The following DPYSL3 variants were observed in gnomAD, a reference collection of about 807,000 sequenced individuals.
DPYSL3 encodes the protein dihydropyrimidinase-related protein 3.
DPYSL3 carries 16 observed loss-of-function variants against 66.1 expected under a neutral mutation model. The observed-to-expected ratio is 0.24, with a 90% confidence interval of 0.16 to 0.37. DPYSL3 has a LOEUF of 0.37. Among genes scored for constraint, DPYSL3 ranks in the 10% least tolerant of loss-of-function variants. The pLI is 1.00. For missense variants in DPYSL3, 738 were observed against 916.2 expected (o/e 0.81, Z 2.51); for synonymous variants, 338 against 345.1 (o/e 0.98, Z 0.23).
chr5:147,439,195 C>G lies in DPYSL3; in HGVS notation c.382-14232G>C, dbSNP rs78541068. Among the ~76,000 whole-genome samples, 1,313 of 152,134 alleles carry G rather than the reference C, an allele frequency of 8.6e-3. 23 individuals carry two copies. Among genetic ancestry groups the G allele is most frequent in the African/African-American group, 0.03 (1,240 of 41,510 alleles). ...TAAGGCACTGCAGTGGCTGAAAGTG[C>G]AAAGAATAAGTAAGTTACTAAATAA... is the stretch of plus-strand genomic sequence containing the variant. On this transcript the variant is annotated intron_variant, in intron 1 of 13. Coordinates refer to ENST00000343218, the MANE Select transcript of DPYSL3 (RefSeq NM_001197294.2).
chr5:147,457,265 CAT>C (rs1481550154), intron 1 of DPYSL3, among the ~76,000 whole-genome samples: 1 of 152,142 alleles, frequency 6.6e-6, no homozygotes, highest in African/African-American at 2.4e-5. Context: ...CTTTTTACCA[CAT>C]GACATATTAA....
chr5:147,436,673 T>C, intron 1 of DPYSL3, among the ~76,000 whole-genome samples: 1 of 152,168 alleles, frequency 6.6e-6, no homozygotes, highest in East Asian at 1.9e-4. Context: ...AGTAAAAGAA[T>C]GTGGTAATTG....
At chr5:147,426,583 CA>C (rs369978027) in intron 1 of DPYSL3, among the ~76,000 whole-genome samples, 269 of 152,206 alleles carry the variant, frequency 1.8e-3, no homozygotes, top group Middle Eastern at 0.017. Flanking sequence ...GGGTCAAGGG[CA>C]GGGAGACATC....
At chr5:147,423,108 G>C (rs902119873) in intron 2 of DPYSL3, among the ~76,000 whole-genome samples, 1 of 152,196 alleles carries the variant, frequency 6.6e-6, no homozygotes, top group Non-Finnish European at 1.5e-5. Context: ...CCAAATGAGA[G>C]AGCTTGCTAC....
intron 1 of DPYSL3, among the ~76,000 whole-genome samples, chr5:147,501,019 C>T (rs772855968): frequency 1.2e-4 from 19 of 152,108 alleles, no homozygotes; most frequent in Non-Finnish European, 2.4e-4. Flanking sequence ...TATGTGCCCA[C>T]GAATGTTTAT....
At chr5:147,441,026 T>C (rs1026971663) in intron 1 of DPYSL3, among the ~76,000 whole-genome samples, 2 of 152,226 alleles carry the variant, frequency 1.3e-5, no homozygotes, top group Admixed American at 1.3e-4. Flanking sequence ...TGAAATGCCA[T>C]ATACACAATT....
intron 1 of DPYSL3, among the ~76,000 whole-genome samples, chr5:147,461,293 C>T (rs1003572151): frequency 2.0e-5 from 3 of 152,188 alleles, no homozygotes; most frequent in Non-Finnish European, 4.4e-5. Context: ...TCTGCAATGG[C>T]ATACCTAGTC....
chr5:147,493,151 C>A (rs553532053), intron 1 of DPYSL3, among the ~76,000 whole-genome samples: 10 of 152,294 alleles, frequency 6.6e-5, no homozygotes, highest in African/African-American at 1.9e-4. Context: ...GGCATAACAA[C>A]CCTCAATGTG....
At chr5:147,487,668 G>A (rs993550099) in intron 1 of DPYSL3, among the ~76,000 whole-genome samples, 2 of 152,142 alleles carry the variant, frequency 1.3e-5, no homozygotes, top group African/African-American at 4.8e-5. Context: ...TTACAGTATA[G>A]AGTTGAATAA....
chr5:147,432,745 A>T (rs1488611341), intron 1 of DPYSL3, among the ~76,000 whole-genome samples: 2 of 152,200 alleles, frequency 1.3e-5, no homozygotes, highest in Non-Finnish European at 2.9e-5. Context: ...AGCCTGCAAT[A>T]AACTGTGCTG....
intron 1 of DPYSL3, among the ~76,000 whole-genome samples, chr5:147,502,740 C>G (rs955715875): frequency 6.6e-6 from 1 of 152,056 alleles, no homozygotes; most frequent in Non-Finnish European, 1.5e-5. Flanking sequence ...CCATGCCCAG[C>G]TAATTTTTTG....
At position 147,509,687 on chromosome 5, in the gene DPYSL3, C is replaced by T. The variant is rs1212232257; in HGVS notation, c.172G>A (p.Gly58Arg). Reference protein sequence around the residue: ...KTLDFDALSVGQRGAKTPRSG... With the variant: ...KTLDFDALSVRQRGAKTPRSG... ...CGAGGAGTCTTCGCGCCCCGCTGCC[C>T]CACGCTGAGGGCATCGAAATCCAGC... Residue 58 changes from glycine (G) to arginine (R), a missense_variant, in exon 1 of 14, where the codon GGG (glycine) becomes AGG (arginine). Transcript: ENST00000343218. This position sits in a 1 kb window ranked among gnomAD's most constrained non-coding sequence, Gnocchi z 5.3. 1.3e-6 allele frequency: 2 copies of T among 1,535,944 alleles called. No individual in the cohort carries two copies. Among genetic ancestry groups the T allele is most frequent in the Non-Finnish European group, 1.7e-6 (2 of 1,146,772 alleles).
chr5:147,436,654 T>TTA (rs1752419288), intron 1 of DPYSL3, among the ~76,000 whole-genome samples: 1 of 152,106 alleles, frequency 6.6e-6, no homozygotes, highest in African/African-American at 2.4e-5. Flanking sequence ...ATAAAGAAAA[T>TTA]TATAAAAAAG....
At chr5:147,453,710 GCCGCCTCCGC>G (rs983175559) in intron 1 of DPYSL3, 38 of 1,327,834 alleles carry the variant, frequency 2.9e-5, no homozygotes, top group Admixed American at 7.1e-5. Flanking sequence ...TGGCCGCGCC[GCCGCCTCCGC>G]CCGCCTCCGC....
chr5:147,493,889 G>T (rs188300321), intron 1 of DPYSL3, among the ~76,000 whole-genome samples: 2 of 152,222 alleles, frequency 1.3e-5, no homozygotes, highest in Admixed American at 6.5e-5. Context: ...CCCCAAATAC[G>T]TGGATATTAA....
chr5:147,430,749 A>T (rs113652235), intron 1 of DPYSL3, among the ~76,000 whole-genome samples: 1 of 152,204 alleles, frequency 6.6e-6, no homozygotes, highest in African/African-American at 2.4e-5. Context: ...TCTTCAACTT[A>T]GAGAACATAA....
intron 1 of DPYSL3, among the ~76,000 whole-genome samples, chr5:147,505,956 T>G (rs1428905385): frequency 1.3e-5 from 2 of 152,190 alleles, no homozygotes; most frequent in African/African-American, 4.8e-5. Flanking sequence ...AAAATCAGAT[T>G]GTGAATTCTG....
At chr5:147,430,266 C>A (rs139669519) in intron 1 of DPYSL3, among the ~76,000 whole-genome samples, 1 of 151,722 alleles carries the variant, frequency 6.6e-6, no homozygotes, top group East Asian at 1.9e-4. Flanking sequence ...GAGGCCGAGG[C>A]GGGTGGGTCA....
intron 2 of DPYSL3, among the ~76,000 whole-genome samples, chr5:147,420,000 ACCAAG>A (rs1752047674): frequency 6.6e-6 from 1 of 152,144 alleles, no homozygotes; most frequent in Non-Finnish European, 1.5e-5. Context: ...CTAGTTTAAT[ACCAAG>A]CCTGAAATAG....
Sources: allele counts gnomAD v4.1 joint callset (sites outside exome capture counted in the v4.1 genomes callset), GRCh38; gene constraint gnomAD v4.1.1; non-coding constraint Gnocchi (gnomAD v3.1); transcripts MANE v1.5; gene names NCBI Gene and HGNC (gene_info 2026-07-23, HGNC 2026-07-21).